The following SNAPC4 variants were observed in gnomAD, a reference collection of about 807,000 sequenced individuals.
The protein encoded by SNAPC4 is small nuclear RNA activating complex polypeptide 4.
A neutral mutation model predicts 151.3 loss-of-function variants in SNAPC4; 127 were observed. The ratio of observed to expected loss-of-function variants is 0.84; its 90% CI spans 0.73 to 0.97. SNAPC4 has a LOEUF of 0.97. SNAPC4 is among the 50% of genes least tolerant of loss of function. The pLI, the probability that SNAPC4 is intolerant of heterozygous loss-of-function variation, is 0.00. For missense variants in SNAPC4, 2,186 were observed against 1,935.0 expected, an observed-to-expected ratio of 1.13 and a Z score of -2.43; for synonymous variants, 1,002 against 824.4, an observed-to-expected ratio of 1.22 and a Z score of -3.69.
At position 136,383,736 on chromosome 9, in the gene SNAPC4, G is replaced by C; in HGVS notation, c.1501-68C>G. The C allele has an allele frequency of 6.5e-7, 1 of 1,549,646 alleles. No individual in the cohort carries two copies. Among genetic ancestry groups the C allele is most frequent in the Non-Finnish European group, 8.7e-7 (1 of 1,144,956 alleles). ...GTTCACCCATGATGGCAGCAAGCAGGCCAGCCCTTTGGGGAGAGGCCCAAG... is the reference window on the plus strand; with the variant it reads ...GTTCACCCATGATGGCAGCAAGCAGCCCAGCCCTTTGGGGAGAGGCCCAAG... On this transcript the variant is annotated intron_variant, in intron 15 of 23. Transcript: ENST00000684778. This position sits in a 1 kb window ranked among gnomAD's most constrained non-coding sequence, Gnocchi z 4.2.
In SNAPC4 at chr9:136,378,324, T is replaced by A. The variant is rs764390362; in HGVS notation, c.3503A>T (p.Asp1168Val). The change falls in exon 22 of 24, where the codon GAT (aspartate) becomes GTT (valine). Residue 1168 changes from aspartate to valine, a missense_variant. Asp to Val is a radical substitution (Grantham distance 152, BLOSUM62 -3). Transcript: ENST00000684778. The stretch of plus-strand genomic sequence containing the variant: ...TCCAGGGACAAAGGCCACACTGCCA[T>A]CCGCTTCTGCAGGACTTTGGGAGAG... Reference protein sequence around the residue: ...HALSQSPAEADGSVAFVPGEA... With the variant: ...HALSQSPAEAVGSVAFVPGEA... 16 of 1,605,070 alleles carry A rather than the reference T, an allele frequency of 1.0e-5. No individual in the cohort carries two copies. The highest frequency in any genetic ancestry group is 2.2e-5 in the East Asian group (1 of 44,678).
intron 13 of SNAPC4, among the ~76,000 whole-genome samples, chr9:136,386,503 C>T (rs1030761014): frequency 8.4e-4 from 125 of 149,140 alleles, no homozygotes; most frequent in African/African-American, 3.0e-3. Context: ...GGCGTGATCT[C>T]GGCTCACTGC....
At position 136,378,884 on chromosome 9, in the gene SNAPC4, G is replaced by C; in HGVS notation, c.2943C>G (p.Leu981=). Residue 981 remains leucine (L), a synonymous_variant, in exon 22 of 24, where the codon CTC becomes CTG. Coordinates refer to ENST00000684778, the MANE Select transcript of SNAPC4 (RefSeq NM_003086.4). ...CGAGGGGCAGGGCTTGCATGGTGGAGAGTCTCTTGTCCTTGGCTGAAGTCC... is the reference window on the plus strand; with the variant it reads ...CGAGGGGCAGGGCTTGCATGGTGGACAGTCTCTTGTCCTTGGCTGAAGTCC... ...EAGTSAKDKR[L]STMQALPLAP... The C allele has an allele frequency of 6.2e-7, 1 of 1,611,420 alleles. No homozygotes were observed. The highest frequency in any genetic ancestry group is 8.5e-7 in the Non-Finnish European group (1 of 1,179,606).
At chr9:136,386,035 G>A (rs915609806) in intron 13 of SNAPC4, among the ~76,000 whole-genome samples, 4 of 152,026 alleles carry the variant, frequency 2.6e-5, no homozygotes, top group African/African-American at 9.7e-5. Flanking sequence ...AATCTTGGGG[G>A]TATAATTCTA....
Position 136,381,342 on chromosome 9 carries a change from CAG to C in SNAPC4, c.2366_2367del (p.Pro789ArgfsTer250). 1 of 1,612,864 alleles carries C rather than the reference CAG, an allele frequency of 6.2e-7. No individual in the cohort carries two copies. The highest frequency in any genetic ancestry group is 8.5e-7 in the Non-Finnish European group (1 of 1,179,818). ...CTTACCTGGGTAAACAGGGTAAACA[CAG>C]GGGTGCTGGCCAGGCGGGCCTGCTG... ...QLQQARLAST[P>X]VFTLFTQLFH... On this transcript the variant is annotated frameshift_variant, in exon 19 of 24. Coordinates refer to ENST00000684778, the MANE Select transcript of SNAPC4 (RefSeq NM_003086.4). LOFTEE classifies it high-confidence loss of function.
In SNAPC4 at chr9:136,391,939, T is replaced by G; in HGVS notation, c.975+3A>C. On this transcript the variant is annotated splice_donor_region_variant and intron_variant, in intron 10 of 23. Transcript: ENST00000684778. ...GCCCCTGGGGTCCAGGCCAGGCCCT[T>G]ACCCCCAGCTCCTCTGCAATCTTCT... The G allele has an allele frequency of 6.2e-7, 1 of 1,601,074 alleles. No homozygotes were observed. The highest frequency in any genetic ancestry group is 8.5e-7 in the Non-Finnish European group (1 of 1,179,766).
chr9:136,387,638 A>C (rs1588754945), intron 12 of SNAPC4, 59 bp from the exon 13 acceptor site: 3 of 1,431,406 alleles, frequency 2.1e-6, no homozygotes. Context: ...CAGCCTCCCC[A>C]CCCTGAACCC....
In SNAPC4 at chr9:136,378,075, G is replaced by A; in HGVS notation, c.3752C>T (p.Ala1251Val). The A allele has an allele frequency of 6.3e-7, 1 of 1,579,644 alleles. No individual in the cohort carries two copies. Reference sequence around the variant, plus strand: ...TAGGGGCGGCTTCTCCAGGTCCAGGGCCCCCTTCTCAGGCCCAGGCTGGCG... The same window carrying A: ...TAGGGGCGGCTTCTCCAGGTCCAGGACCCCCTTCTCAGGCCCAGGCTGGCG... The part of the protein sequence containing the change: ...PLRQPGPEKG[A>V]LDLEKPPLPQ... The change falls in exon 22 of 24, where the codon GCC becomes GTC. Residue 1251 changes from alanine (A) to valine (V), a missense_variant. By Grantham distance (64) the Ala-to-Val change is moderately conservative. Coordinates refer to ENST00000684778, the MANE Select transcript of SNAPC4 (RefSeq NM_003086.4).
rs547670026 is a variant in SNAPC4 at position 136,379,161 on chromosome 9, T to C, written c.2666A>G (p.Lys889Arg). 233 of 1,588,048 alleles carry C rather than the reference T, an allele frequency of 1.5e-4. No homozygotes were observed. Among genetic ancestry groups the C allele is most frequent in the Non-Finnish European group, 1.9e-4 (222 of 1,168,234 alleles). ...AAGCAGCTCCGACACAGTCTTGGGC[T>C]TGGGCCGGGGGCCGGTTGAAGCCAG... The part of the protein sequence containing the change: ...SLLASTGPRP[K>R]PKTVSELLQE... The change falls in exon 22 of 24, where the codon AAG (lysine) becomes AGG (arginine). Residue 889 changes from lysine to arginine, a missense_variant. Transcript: ENST00000684778.
chr9:136,396,283 G>A (rs1415809239), intron 3 of SNAPC4, among the ~76,000 whole-genome samples: 1 of 152,250 alleles, frequency 6.6e-6, no homozygotes, highest in African/African-American at 2.4e-5. Context: ...CAAACATGAG[G>A]AAACTCAGTA....
At chr9:136,388,740 G>A in intron 10 of SNAPC4, 149 bp from the exon 11 acceptor site, 4 of 839,874 alleles carry the variant, frequency 4.8e-6, no homozygotes, top group Non-Finnish European at 7.5e-6. Flanking sequence ...AGACTCCTGT[G>A]GGCTGATGGA....
chr9:136,379,186 G>A lies in SNAPC4; in HGVS notation c.2641C>T (p.Leu881=). Residue 881 remains leucine, a synonymous_variant, in exon 22 of 24, where the codon CTG becomes TTG. Transcript: ENST00000684778. The part of the protein sequence containing the change: ...VERTLPQASL[L]ASTGPRPKPK... ...TTGGGCCGGGGGCCGGTTGAAGCCA[G>A]CAGGGACGCCTGGGGTAGGGTGCGC... is the stretch of plus-strand genomic sequence containing the variant. The A allele has an allele frequency of 1.2e-6, 2 of 1,603,594 alleles. No homozygotes were observed. Among genetic ancestry groups the A allele is most frequent in the Non-Finnish European group, 8.5e-7 (1 of 1,176,106 alleles).
chr9:136,395,431 A>G lies in SNAPC4; in HGVS notation c.346-8T>C. ...ATCCCTCATGAGTTCCTCCTGTGAC[A>G]GACACAAGGCAGGGACCCCTCTATG... On this transcript the variant is annotated splice_polypyrimidine_tract_variant and splice_region_variant and intron_variant, in intron 4 of 23. Coordinates refer to ENST00000684778, the MANE Select transcript of SNAPC4 (RefSeq NM_003086.4). 9 of 1,611,800 alleles carry G rather than the reference A, an allele frequency of 5.6e-6. No homozygotes were observed. The highest frequency in any genetic ancestry group is 7.6e-6 in the Non-Finnish European group (9 of 1,179,088).
At chr9:136,387,685 G>A in intron 12 of SNAPC4, 57 bp downstream of exon 12, 6 of 1,395,218 alleles carry the variant, frequency 4.3e-6, no homozygotes, top group East Asian at 2.3e-5. Flanking sequence ...AGCAGCCGCT[G>A]AACACAGCCG....
chr9:136,385,928 G>C (rs1833873714), intron 13 of SNAPC4, among the ~76,000 whole-genome samples: 1 of 152,024 alleles, frequency 6.6e-6, no homozygotes, highest in African/African-American at 2.4e-5. Context: ...ATGAATGCTT[G>C]GGCTGCTTCC....
chr9:136,391,866 C>T (rs920040952), intron 10 of SNAPC4, 76 bp downstream of exon 10: 21 of 1,487,374 alleles, frequency 1.4e-5, no homozygotes, highest in Middle Eastern at 2.3e-4. Flanking sequence ...ACCCCGCACC[C>T]GTCCAGCAGC....
At chr9:136,393,580 T>A (rs1554781841) in intron 7 of SNAPC4, among the ~76,000 whole-genome samples, 15 of 152,094 alleles carry the variant, frequency 9.9e-5, no homozygotes, top group Non-Finnish European at 1.5e-4. Context: ...GTTTCAGGAA[T>A]GGGAAAGGGA....
Position 136,383,937 on chromosome 9 carries a change from G to A in SNAPC4, c.1500+16C>T. ...CCATTGTCTGGTTTCAGATAAAGAA[G>A]GAGCGAGTGGCTCACCCCCATCATG... On this transcript the variant is annotated intron_variant, in intron 15 of 23. Coordinates refer to ENST00000684778, the MANE Select transcript of SNAPC4 (RefSeq NM_003086.4). This position sits in a 1 kb window ranked among gnomAD's most constrained non-coding sequence, Gnocchi z 4.2. 3 of 1,609,604 alleles carry A rather than the reference G, an allele frequency of 1.9e-6. No homozygotes were observed. Among genetic ancestry groups the A allele is most frequent in the Non-Finnish European group, 2.5e-6 (3 of 1,176,488 alleles).
At chr9:136,396,394 G>A (rs757528370) in intron 3 of SNAPC4, among the ~76,000 whole-genome samples, 1 of 152,244 alleles carries the variant, frequency 6.6e-6, no homozygotes, top group Non-Finnish European at 1.5e-5. Context: ...CAGAGCAGTT[G>A]CCAGGTGCTG....
Sources: gnomAD v4.1 joint callset for allele counts (sites outside exome capture counted in the v4.1 genomes callset) on GRCh38, gnomAD v4.1.1 for gene constraint, Gnocchi (gnomAD v3.1) non-coding constraint, MANE v1.5 for transcripts, NCBI Gene and HGNC (gene_info 2026-07-23, HGNC 2026-07-21) for gene names.